The following ATP1B2 variants were observed in gnomAD, a reference collection of about 807,000 sequenced individuals.
ATP1B2 encodes ATPase Na+/K+ transporting subunit beta 2.
ATP1B2 carries 12 observed loss-of-function variants against 37.3 expected under a neutral mutation model. The ratio of observed to expected loss-of-function variants is 0.32; its 90% CI spans 0.21 to 0.52. The LOEUF is 0.52. Among genes scored for constraint, ATP1B2 ranks in the 20% least tolerant of loss-of-function variants. The pLI is 0.96. For synonymous variants in ATP1B2, 139 were observed against 140.5 expected (o/e 0.99, Z 0.07); for missense variants, 324 against 391.6 (o/e 0.83, Z 1.46).
chr17:7,651,330 T>C lies in ATP1B2; in HGVS notation c.-189T>C. ...AGGATCGGTGCATCTTCCGCCGCGC[T>C]GCCAGCACCCCGCAGCGCGTGGTCG... On this transcript the variant is annotated 5_prime_UTR_variant, in exon 1 of 7. Transcript: ENST00000250111. 1.7e-6 allele frequency: 1 copy of C among 593,312 alleles called. No individual in the cohort carries two copies. The highest frequency in any genetic ancestry group is 3.0e-6 in the Non-Finnish European group (1 of 333,540). The allele number at this position is 593,312 out of a possible 1,614,324, so 36.8% of individuals were successfully genotyped here.
chr17:7,653,633 A>G, intron 2 of ATP1B2, 131 bp downstream of exon 2: 1 of 1,443,282 alleles, frequency 6.9e-7, no homozygotes, highest in Non-Finnish European at 9.3e-7. Context: ...GAAGTTCTTG[A>G]AATCTGTCCA....
In ATP1B2 at chr17:7,650,982, C is replaced by T. The variant is rs1419507762; in HGVS notation, c.-537C>T. ...GGGCCCCCCATCCCTGGCTGTCCCC[C>T]AGCTGCGCGTCCCCGCCCCACCCCC... On this transcript the variant is annotated 5_prime_UTR_variant, in exon 1 of 7. Coordinates refer to ENST00000250111, the MANE Select transcript of ATP1B2 (RefSeq NM_001678.5). 1 of 157,838 alleles carries T rather than the reference C, an allele frequency of 6.3e-6. No individual in the cohort carries two copies. Among genetic ancestry groups the T allele is most frequent in the East Asian group, 1.9e-4 (1 of 5,228 alleles). 9.8% of individuals were successfully genotyped at this position (157,838 alleles called of 1,614,324 possible).
chr17:7,651,479 A>AC lies in ATP1B2; in HGVS notation c.-34dup. 6.5e-7 allele frequency: 1 copy of AC among 1,534,320 alleles called. No individual in the cohort carries two copies. Among genetic ancestry groups the AC allele is most frequent in the Non-Finnish European group, 8.8e-7 (1 of 1,133,338 alleles). Reference sequence around the variant, plus strand: ...CGCGCGGCGCCCCCGCTTCTCCGCAACCCCCCGCCCCGCGCCCGGACTCGC... The same window carrying AC: ...CGCGCGGCGCCCCCGCTTCTCCGCAACCCCCCCGCCCCGCGCCCGGACTCGC... On this transcript the variant is annotated 5_prime_UTR_variant, in exon 1 of 7. Coordinates refer to ENST00000250111, the MANE Select transcript of ATP1B2 (RefSeq NM_001678.5).
rs759844422 is a variant in ATP1B2 at position 7,655,013 on chromosome 17, G to T, written c.609+329G>T. On this transcript the variant is annotated intron_variant, in intron 5 of 6. Transcript: ENST00000250111. The surrounding 1 kb of genome is among the most constrained non-coding windows in gnomAD (Gnocchi z 4.4). Reference sequence around the variant, plus strand: ...CATTCCCAGATTGTCCGTATCGTTCGCTCTCCCTCCCATATGGCCCCCACC... The same window carrying T: ...CATTCCCAGATTGTCCGTATCGTTCTCTCTCCCTCCCATATGGCCCCCACC... Among the ~76,000 whole-genome samples, 1 of 151,900 alleles carries T rather than the reference G, an allele frequency of 6.6e-6. No homozygotes were observed.
At chr17:7,650,648 T>C (rs1358859534), upstream of ATP1B2, among the ~76,000 whole-genome samples, 2 of 152,096 alleles carry the variant, frequency 1.3e-5, no homozygotes, top group Admixed American at 6.5e-5. Flanking sequence ...TCTCTGCCGT[T>C]GTGTTTCTCT....
At chr17:7,652,786 G>A (rs2072622566) in intron 1 of ATP1B2, among the ~76,000 whole-genome samples, 1 of 152,206 alleles carries the variant, frequency 6.6e-6, no homozygotes, top group African/African-American at 2.4e-5. Context: ...AGGGTGCTGG[G>A]TGTGAACTGA....
chr17:7,646,709 C>T (rs1165080901), upstream of ATP1B2: 2 of 152,162 alleles, frequency 1.3e-5, no homozygotes, highest in Non-Finnish European at 2.9e-5. Flanking sequence ...AAGGTAAGCA[C>T]ATTATGTCTG....
At chr17:7,650,523 T>C (rs557354854), upstream of ATP1B2, among the ~76,000 whole-genome samples, 1 of 152,268 alleles carries the variant, frequency 6.6e-6, no homozygotes, top group South Asian at 2.1e-4. Flanking sequence ...TCTAGCTCTT[T>C]ATTCCTCTGA....
At position 7,653,384 on chromosome 17, in the gene ATP1B2, C is replaced by T. The variant is rs764753710; in HGVS notation, c.123C>T (p.Leu41=). 1 of 1,614,094 alleles carries T rather than the reference C, an allele frequency of 6.2e-7. No homozygotes were observed. The highest frequency in any genetic ancestry group is 8.5e-7 in the Non-Finnish European group (1 of 1,179,992). The change falls in exon 2 of 7, where the codon CTC becomes CTT. Residue 41 remains leucine (L), a synonymous_variant. Coordinates refer to ENST00000250111, the MANE Select transcript of ATP1B2 (RefSeq NM_001678.5). ...GRTGTSWAFI[L]LFYLVFYGFL... ...TTTCCTCCTCCCTAGCCTTTATCCT[C>T]CTCTTCTACCTCGTTTTTTATGGGT...
In ATP1B2 at chr17:7,651,340, C is replaced by G. The variant is rs544366370; in HGVS notation, c.-179C>G. 1.7e-6 allele frequency: 1 copy of G among 604,556 alleles called. No homozygotes were observed. The highest frequency in any genetic ancestry group is 1.9e-5 in the African/African-American group (1 of 53,172). The allele number at this position is 604,556 out of a possible 1,614,324, so 37.4% of individuals were successfully genotyped here. A position where few individuals can be genotyped will look rare whatever the true frequency, so the allele number is the denominator to read the frequency against. On this transcript the variant is annotated 5_prime_UTR_variant, in exon 1 of 7. Coordinates refer to ENST00000250111, the MANE Select transcript of ATP1B2 (RefSeq NM_001678.5). ...CATCTTCCGCCGCGCTGCCAGCACCCCGCAGCGCGTGGTCGTGCACCCCGG... is the reference window on the plus strand; with the variant it reads ...CATCTTCCGCCGCGCTGCCAGCACCGCGCAGCGCGTGGTCGTGCACCCCGG...
Position 7,654,308 on chromosome 17 carries a change from C to T in ATP1B2, c.552+51C>T. On this transcript the variant is annotated intron_variant, in intron 4 of 6. Coordinates refer to ENST00000250111, the MANE Select transcript of ATP1B2 (RefSeq NM_001678.5). This position sits in a 1 kb window ranked among gnomAD's most constrained non-coding sequence, Gnocchi z 4.9. ...TGAATGGAGGAAGGATCTGGGGACACCACCTGCAGACAATTGCATCCTTTC... is the reference window on the plus strand; with the variant it reads ...TGAATGGAGGAAGGATCTGGGGACATCACCTGCAGACAATTGCATCCTTTC... The T allele has an allele frequency of 6.3e-7, 1 of 1,580,732 alleles. No homozygotes were observed. The highest frequency in any genetic ancestry group is 1.1e-5 in the South Asian group (1 of 90,362).
chr17:7,650,525 T>C (rs2072603422), upstream of ATP1B2, among the ~76,000 whole-genome samples: 1 of 152,132 alleles, frequency 6.6e-6, no homozygotes, highest in South Asian at 2.1e-4. Context: ...TAGCTCTTTA[T>C]TCCTCTGACA....
chr17:7,650,445 G>A (rs534302708), upstream of ATP1B2, among the ~76,000 whole-genome samples: 2 of 152,144 alleles, frequency 1.3e-5, no homozygotes, highest in East Asian at 1.9e-4. Context: ...ATCTCTGCGG[G>A]GCCTGTCCTA....
intron 1 of ATP1B2, among the ~76,000 whole-genome samples, chr17:7,652,210 T>TCGGTGA (rs1482091546): frequency 6.6e-6 from 1 of 152,058 alleles, no homozygotes; most frequent in Non-Finnish European, 1.5e-5. Context: ...TGCTCCCATG[T>TCGGTGA]CGGTGACGGA....
chr17:7,650,836 G>A (rs773795798), upstream of ATP1B2, among the ~76,000 whole-genome samples: 12 of 151,508 alleles, frequency 7.9e-5, no homozygotes, highest in Non-Finnish European at 1.6e-4. Flanking sequence ...TGGGCCAGTG[G>A]CGAGGAGGCG....
chr17:7,651,483 C>T lies in ATP1B2; in HGVS notation c.-36C>T, dbSNP rs1364060732. ...CGGCGCCCCCGCTTCTCCGCAACCC[C>T]CCGCCCCGCGCCCGGACTCGCCCCG... On this transcript the variant is annotated 5_prime_UTR_variant, in exon 1 of 7. Transcript: ENST00000250111. 28 of 1,543,774 alleles carry T rather than the reference C, an allele frequency of 1.8e-5. No individual in the cohort carries two copies. The highest frequency in any genetic ancestry group is 3.6e-4 in the Middle Eastern group (2 of 5,496).
chr17:7,651,384 A>G lies in ATP1B2; in HGVS notation c.-135A>G. The G allele has an allele frequency of 1.4e-6, 1 of 738,086 alleles. No individual in the cohort carries two copies. Among genetic ancestry groups the G allele is most frequent in the Non-Finnish European group, 2.3e-6 (1 of 441,504 alleles). The allele number at this position is 738,086 out of a possible 1,614,324, so 45.7% of individuals were successfully genotyped here. A position where few individuals can be genotyped will look rare whatever the true frequency, so the allele number is the denominator to read the frequency against. On this transcript the variant is annotated 5_prime_UTR_variant, in exon 1 of 7. The change creates a new upstream start codon in the 5' untranslated region. Coordinates refer to ENST00000250111, the MANE Select transcript of ATP1B2 (RefSeq NM_001678.5). ...ACCCCGGAATCTGCAGCAGCTGCAT[A>G]TCTGAGGGGGGTCTCCTTTGCCCGC...
Position 7,655,942 on chromosome 17 carries a change from TG to T in ATP1B2, c.*48del. ...CTCTCTCCTGTGGATGCTCCTGGAATGTCCCTGACCCTGCCTGATCCCTCCC... is the reference window on the plus strand; with the variant it reads ...CTCTCTCCTGTGGATGCTCCTGGAATTCCCTGACCCTGCCTGATCCCTCCC... On this transcript the variant is annotated 3_prime_UTR_variant, in exon 7 of 7. Transcript: ENST00000250111. The surrounding 1 kb of genome is among the most constrained non-coding windows in gnomAD (Gnocchi z 4.4). 1 of 1,606,836 alleles carries T rather than the reference TG, an allele frequency of 6.2e-7. No homozygotes were observed. Among genetic ancestry groups the T allele is most frequent in the Non-Finnish European group, 8.5e-7 (1 of 1,175,702 alleles).
chr17:7,652,031 C>G (rs2072617418), intron 1 of ATP1B2, among the ~76,000 whole-genome samples: 1 of 152,090 alleles, frequency 6.6e-6, no homozygotes, highest in Admixed American at 6.5e-5. Flanking sequence ...TGCCCACCCC[C>G]TGGACCCTGG....
Sources: gnomAD v4.1 joint callset for allele counts (sites outside exome capture counted in the v4.1 genomes callset) on GRCh38, gnomAD v4.1.1 for gene constraint, Gnocchi (gnomAD v3.1) non-coding constraint, MANE v1.5 for transcripts, NCBI Gene and HGNC (gene_info 2026-07-23, HGNC 2026-07-21) for gene names.